GTF2F2: variants seen among roughly 807,000 people sequenced by gnomAD.
GTF2F2 encodes general transcription factor IIF subunit 2, also known as ATP-dependent helicase GTF2F2.
GTF2F2 carries 23 observed loss-of-function variants against 42.2 expected under a neutral mutation model. The observed-to-expected ratio is 0.55, with a 90% CI of 0.39 to 0.77. The LOEUF (loss-of-function observed/expected upper bound fraction) is 0.77. GTF2F2 is among the 30% of genes least tolerant of loss of function. The pLI, the probability that GTF2F2 is intolerant of heterozygous loss-of-function variation, is 0.00. For missense variants in GTF2F2, 261 were observed against 287.2 expected (o/e 0.91, Z 0.66); for synonymous variants, 105 against 100.8 (o/e 1.04, Z -0.25).
intron 5 of GTF2F2, among the ~76,000 whole-genome samples, chr13:45,247,235 G>T (rs1198370911): frequency 6.7e-6 from 1 of 149,990 alleles, no homozygotes; most frequent in Non-Finnish European, 1.5e-5. Flanking sequence ...GGTGGTGCAT[G>T]CCTGTAATCC....
At chr13:45,161,911 T>G (rs919755828) in intron 4 of GTF2F2, among the ~76,000 whole-genome samples, 5 of 152,186 alleles carry the variant, frequency 3.3e-5, no homozygotes, top group Non-Finnish European at 5.9e-5. Flanking sequence ...ACTATTTCTT[T>G]TAGGTATAGT....
chr13:45,236,770 A>G lies in GTF2F2; in HGVS notation c.387-16101A>G, dbSNP rs185085902. Among the ~76,000 whole-genome samples the G allele has an allele frequency of 4.3e-4, 66 of 152,342 alleles. No individual in the cohort carries two copies. The East Asian group carries it at 0.011, about 26-fold the overall frequency. ...AAGTAAAATAGATAATTGTGATATG[A>G]TAAAGAGCAGAAGAGGAATAAAACA... On this transcript the variant is annotated intron_variant, in intron 5 of 7. Coordinates refer to ENST00000340473, the MANE Select transcript of GTF2F2 (RefSeq NM_004128.3).
chr13:45,183,710 A>G (rs1020021057), intron 4 of GTF2F2, among the ~76,000 whole-genome samples: 2 of 152,124 alleles, frequency 1.3e-5, no homozygotes, highest in African/African-American at 2.4e-5. Flanking sequence ...TCATGAGATC[A>G]TTATGTGTTG....
At chr13:45,282,663 C>T (rs1171013498) in intron 7 of GTF2F2, among the ~76,000 whole-genome samples, 1 of 152,178 alleles carries the variant, frequency 6.6e-6, no homozygotes, top group African/African-American at 2.4e-5. Context: ...CACCACCATG[C>T]CTGGCTAATT....
chr13:45,175,793 T>C (rs1483030283), intron 4 of GTF2F2, among the ~76,000 whole-genome samples: 10 of 152,086 alleles, frequency 6.6e-5, no homozygotes, highest in Admixed American at 6.5e-4. Flanking sequence ...TGGCTAATTG[T>C]GTGTGTTTTT....
chr13:45,168,903 CCCT>C (rs752631858), intron 4 of GTF2F2, among the ~76,000 whole-genome samples: 5,136 of 8,850 alleles, frequency 0.58, 860 homozygotes, highest in African/African-American at 0.62. Context: ...CTCCCTCCCT[CCCT>C]CCTCCTTCCT....
At chr13:45,135,949 T>A (rs1869597529) in intron 1 of GTF2F2, among the ~76,000 whole-genome samples, 1 of 152,254 alleles carries the variant, frequency 6.6e-6, no homozygotes, top group Non-Finnish European at 1.5e-5. Context: ...ATAGTAGGGA[T>A]TCAGCATATA....
intron 1 of GTF2F2, among the ~76,000 whole-genome samples, chr13:45,123,565 G>A (rs373263493): frequency 2.6e-5 from 4 of 151,550 alleles, no homozygotes; most frequent in African/African-American, 9.7e-5. Context: ...GGAGGTTGAG[G>A]CTGCAGTGAG....
intron 6 of GTF2F2, among the ~76,000 whole-genome samples, chr13:45,266,802 C>T (rs545014676): frequency 1.3e-5 from 2 of 152,194 alleles, no homozygotes; most frequent in African/African-American, 4.8e-5. Flanking sequence ...AACTACTGTT[C>T]AGAGGCCTGC....
chr13:45,222,117 A>G (rs1874145215), intron 5 of GTF2F2, among the ~76,000 whole-genome samples: 1 of 152,166 alleles, frequency 6.6e-6, no homozygotes, highest in Admixed American at 6.5e-5. Context: ...AACACTTACC[A>G]TTGTGTGACT....
chr13:45,254,193 T>A (rs1566152301), intron 6 of GTF2F2, among the ~76,000 whole-genome samples: 1 of 152,168 alleles, frequency 6.6e-6, no homozygotes. Flanking sequence ...GGTTATTCTA[T>A]TTTATTATGG....
chr13:45,151,683 T>G lies in GTF2F2; in HGVS notation c.160-4T>G. 6.3e-7 allele frequency: 1 copy of G among 1,589,412 alleles called. No homozygotes were observed. Among genetic ancestry groups the G allele is most frequent in the South Asian group, 1.1e-5 (1 of 90,230 alleles). On this transcript the variant is annotated splice_polypyrimidine_tract_variant and splice_region_variant and intron_variant, in intron 3 of 7. Transcript: ENST00000340473. ...TTATAATCTCTGGTTAATGTGTCTA[T>G]TAGGTGTCATTTACTTTGAATGAGG... is the stretch of plus-strand genomic sequence containing the variant.
intron 1 of GTF2F2, among the ~76,000 whole-genome samples, chr13:45,128,652 C>T (rs566759874): frequency 6.6e-6 from 1 of 152,142 alleles, no homozygotes; most frequent in African/African-American, 2.4e-5. Flanking sequence ...AGTGCAGTGG[C>T]ATGTGATCAT....
intron 2 of GTF2F2, among the ~76,000 whole-genome samples, chr13:45,144,971 GA>G (rs2138111575): frequency 6.6e-6 from 1 of 152,168 alleles, no homozygotes; most frequent in East Asian, 1.9e-4. Context: ...AAACAACATA[GA>G]ATAACAATCC....
chr13:45,217,609 T>C (rs1873948039), intron 5 of GTF2F2, among the ~76,000 whole-genome samples: 1 of 152,220 alleles, frequency 6.6e-6, no homozygotes, highest in Non-Finnish European at 1.5e-5. Context: ...GGTTAATGAA[T>C]CTCCAGAATT....
chr13:45,193,925 T>C, intron 4 of GTF2F2: 2 of 1,614,020 alleles, frequency 1.2e-6, no homozygotes, highest in Non-Finnish European at 1.7e-6. Flanking sequence ...CAGACAAAGG[T>C]GTTGTCTTCC....
chr13:45,155,099 G>T (rs1396969646), intron 4 of GTF2F2, among the ~76,000 whole-genome samples: 1 of 152,176 alleles, frequency 6.6e-6, no homozygotes, highest in Admixed American at 6.5e-5. Context: ...TGTTGTATAT[G>T]TGCGTTCTTT....
At chr13:45,222,856 C>G (rs879358842) in intron 5 of GTF2F2, among the ~76,000 whole-genome samples, 1 of 152,140 alleles carries the variant, frequency 6.6e-6, no homozygotes, top group Non-Finnish European at 1.5e-5. Context: ...GATCCTTTAG[C>G]TTTTAAGACT....
intron 5 of GTF2F2, among the ~76,000 whole-genome samples, chr13:45,217,914 C>A (rs1176807722): frequency 6.6e-6 from 1 of 152,148 alleles, no homozygotes; most frequent in Non-Finnish European, 1.5e-5. Flanking sequence ...TCTTTTCTAG[C>A]CTGTCAATTC....
Sources: allele counts gnomAD v4.1 joint callset (sites outside exome capture counted in the v4.1 genomes callset), GRCh38; gene constraint gnomAD v4.1.1; transcripts MANE v1.5; gene names NCBI Gene and HGNC (gene_info 2026-07-23, HGNC 2026-07-21).